Variants in CMSS1 observed in about 807,000 individuals in gnomAD.
CMSS1 encodes the protein cms1 ribosomal small subunit homolog.
Under a neutral mutation model 43.5 loss-of-function variants are expected in CMSS1, and 33 were observed. The ratio of observed to expected loss-of-function variants is 0.76; its 90% CI spans 0.57 to 1.01. The LOEUF is 1.01. Ranked by LOEUF, CMSS1 falls within the 50% of genes least tolerant of loss-of-function variation. The pLI, the probability that CMSS1 is intolerant of heterozygous loss-of-function variation, is 0.00. For synonymous variants in CMSS1, 115 were observed against 117.2 expected, an observed-to-expected ratio of 0.98 and a Z score of 0.12; for missense variants, 313 against 326.4, an observed-to-expected ratio of 0.96 and a Z score of 0.32.
At chr3:99,967,889 AG>A in intron 1 of CMSS1, among the ~76,000 whole-genome samples, 1 of 152,326 alleles carries the variant, frequency 6.6e-6, no homozygotes, top group East Asian at 1.9e-4. Flanking sequence ...GGTATTAGCA[AG>A]GAGAAGGAGT....
At chr3:100,176,162 C>T in intron 8 of CMSS1, 165 bp from the exon 9 acceptor site, 1 of 553,764 alleles carries the variant, frequency 1.8e-6, no homozygotes, top group South Asian at 2.3e-5. Flanking sequence ...CAGAGTGCTG[C>T]ATTTGTTTTC....
At chr3:99,840,263 G>A (rs954162631) in intron 1 of CMSS1, among the ~76,000 whole-genome samples, 12 of 123,560 alleles carry the variant, frequency 9.7e-5, no homozygotes, top group Non-Finnish European at 1.6e-4. Context: ...TTGCTCTGTC[G>A]CCCAGGCTGG....
At chr3:99,887,846 C>T (rs1317437307) in intron 1 of CMSS1, among the ~76,000 whole-genome samples, 1 of 151,996 alleles carries the variant, frequency 6.6e-6, no homozygotes, top group Non-Finnish European at 1.5e-5. Context: ...TTCATACTCC[C>T]TACTCCCACC....
chr3:100,008,289 T>G (rs1223211349), intron 1 of CMSS1, among the ~76,000 whole-genome samples: 3 of 152,120 alleles, frequency 2.0e-5, no homozygotes, highest in Non-Finnish European at 2.9e-5. Flanking sequence ...AGCATAGACT[T>G]GAACCAGTGC....
At chr3:100,099,370 C>T (rs751408233) in intron 1 of CMSS1, among the ~76,000 whole-genome samples, 2 of 152,046 alleles carry the variant, frequency 1.3e-5, no homozygotes, top group African/African-American at 2.4e-5. Flanking sequence ...GTGCATTAAA[C>T]GAGTAAGCTA....
At chr3:100,027,133 A>G (rs1321861179) in intron 1 of CMSS1, among the ~76,000 whole-genome samples, 4 of 152,080 alleles carry the variant, frequency 2.6e-5, no homozygotes, top group Non-Finnish European at 5.9e-5. Flanking sequence ...ACTTACACAC[A>G]TGAATACACA....
At chr3:99,883,718 T>C (rs1705804554) in intron 1 of CMSS1, among the ~76,000 whole-genome samples, 1 of 152,220 alleles carries the variant, frequency 6.6e-6, no homozygotes, top group African/African-American at 2.4e-5. Flanking sequence ...TTCATTGTTA[T>C]AATAATAACA....
intron 1 of CMSS1, among the ~76,000 whole-genome samples, chr3:99,827,064 A>G (rs1942549150): frequency 6.6e-6 from 1 of 152,188 alleles, no homozygotes; most frequent in Admixed American, 6.5e-5. Flanking sequence ...GTCAGACATT[A>G]CTGTTTTGAA....
At chr3:99,998,592 T>C (rs1318013307) in intron 1 of CMSS1, among the ~76,000 whole-genome samples, 2 of 152,110 alleles carry the variant, frequency 1.3e-5, no homozygotes, top group African/African-American at 4.8e-5. Context: ...CAAAACTTAG[T>C]CTTTCCAGCA....
At chr3:99,862,224 A>C (rs889472130) in intron 1 of CMSS1, among the ~76,000 whole-genome samples, 1 of 152,212 alleles carries the variant, frequency 6.6e-6, no homozygotes, top group Non-Finnish European at 1.5e-5. Context: ...AAAAAATCAA[A>C]TCAAATAAAA....
intron 1 of CMSS1, among the ~76,000 whole-genome samples, chr3:100,084,897 T>C (rs746860093): frequency 4.6e-5 from 7 of 152,248 alleles, no homozygotes; most frequent in Non-Finnish European, 1.0e-4. Flanking sequence ...TAGGGAATTA[T>C]AAATGAAGTA....
intron 1 of CMSS1, among the ~76,000 whole-genome samples, chr3:100,003,214 A>T (rs760441293): frequency 6.6e-5 from 10 of 152,200 alleles, no homozygotes; most frequent in Non-Finnish European, 1.3e-4. Context: ...CCATAAGTGG[A>T]CTTCATACCA....
At chr3:99,819,225 T>A (rs967132302) in intron 1 of CMSS1, among the ~76,000 whole-genome samples, 1 of 152,362 alleles carries the variant, frequency 6.6e-6, no homozygotes, top group African/African-American at 2.4e-5. Context: ...TTCCTGACTC[T>A]TTTGCAGCCC....
At chr3:99,818,759 C>A (rs990021682) in intron 1 of CMSS1, among the ~76,000 whole-genome samples, 1 of 152,254 alleles carries the variant, frequency 6.6e-6, no homozygotes, top group African/African-American at 2.4e-5. Context: ...CTTTCAGAAA[C>A]AATACTAGAA....
At chr3:99,875,190 A>C (rs895116789) in intron 1 of CMSS1, among the ~76,000 whole-genome samples, 1 of 152,198 alleles carries the variant, frequency 6.6e-6, no homozygotes, top group African/African-American at 2.4e-5. Flanking sequence ...TTTTAGTTGG[A>C]AAAAATGAAG....
chr3:100,140,425 A>G (rs1576098897), intron 1 of CMSS1, among the ~76,000 whole-genome samples: 1 of 152,264 alleles, frequency 6.6e-6, no homozygotes, highest in East Asian at 1.9e-4. Flanking sequence ...GAATGTTAAA[A>G]TAAATAAAAT....
intron 2 of CMSS1, among the ~76,000 whole-genome samples, chr3:100,147,936 C>A (rs1174684515): frequency 6.6e-6 from 1 of 152,134 alleles, no homozygotes; most frequent in East Asian, 1.9e-4. Context: ...CCACTCACAT[C>A]CATTTGTAGC....
chr3:99,875,887 C>G (rs1705487777), intron 1 of CMSS1, among the ~76,000 whole-genome samples: 1 of 152,238 alleles, frequency 6.6e-6, no homozygotes, highest in South Asian at 2.1e-4. Context: ...CCAGAGAAAA[C>G]TTCTACTTTC....
chr3:99,884,880 C>T (rs1705843117), intron 1 of CMSS1, among the ~76,000 whole-genome samples: 1 of 152,166 alleles, frequency 6.6e-6, no homozygotes, highest in South Asian at 2.1e-4. Flanking sequence ...GGCCTGTGTC[C>T]AGAAACTATT....
Sources: gnomAD v4.1 joint callset for allele counts (sites outside exome capture counted in the v4.1 genomes callset) on GRCh38, gnomAD v4.1.1 for gene constraint, MANE v1.5 for transcripts, NCBI Gene and HGNC (gene_info 2026-07-23, HGNC 2026-07-21) for gene names.